The following SAP130 variants were observed in gnomAD, a reference collection of about 807,000 sequenced individuals.
The protein encoded by SAP130 is Sin3A associated protein 130, also known as histone deacetylase complex subunit SAP130.
In SAP130, 16 loss-of-function variants were observed where a neutral mutation model predicts 103.2. The observed-to-expected ratio is 0.16, with a 90% CI of 0.10 to 0.24. SAP130 has a LOEUF of 0.24. Ranked by LOEUF, SAP130 falls within the 10% of genes least tolerant of loss-of-function variation. SAP130 has a pLI of 1.00. For synonymous variants in SAP130, 477 were observed against 497.0 expected, an observed-to-expected ratio of 0.96 and a Z score of 0.53; for missense variants, 990 against 1,359.7, an observed-to-expected ratio of 0.73 and a Z score of 4.28.
rs576839606 is a variant in SAP130 at position 127,947,119 on chromosome 2, G to A, written c.2798-1560C>T. ...AGGCAGGGACTGGAGTGGTGCAGGT[G>A]CAAGCCAGGAACACCAAAGATCGCT... On this transcript the variant is annotated intron_variant, in intron 18 of 20. Coordinates refer to ENST00000643581, the MANE Select transcript of SAP130 (RefSeq NM_001330301.2). Among the ~76,000 whole-genome samples the A allele has an allele frequency of 2.0e-5, 3 of 151,806 alleles. No homozygotes were observed. In the South Asian group the frequency reaches 6.3e-4, roughly 32 times the overall value.
chr2:128,028,021 G>C lies in SAP130; in HGVS notation c.-88C>G, dbSNP rs927742757. 1.6e-5 allele frequency: 16 copies of C among 979,794 alleles called. No individual in the cohort carries two copies. In the Admixed American group the frequency reaches 3.1e-4, roughly 19 times the overall value. The allele number at this position is 979,794 out of a possible 1,614,324, so 60.7% of individuals were successfully genotyped here. ...CCGTCTGTGGGGCCGACGTCCCCAG[G>C]CTCCGGACCCGCAGCCACCGCCGGG... On this transcript the variant is annotated 5_prime_UTR_variant, in exon 1 of 21. Transcript: ENST00000643581.
intron 7 of SAP130, among the ~76,000 whole-genome samples, chr2:128,006,160 G>A (rs1335521510): frequency 2.0e-5 from 3 of 150,482 alleles, no homozygotes; most frequent in Non-Finnish European, 2.9e-5. Context: ...AAGTAATCAT[G>A]GAAAGAATAT....
At chr2:127,973,337 A>C (rs914908786) in intron 15 of SAP130, among the ~76,000 whole-genome samples, 1 of 152,122 alleles carries the variant, frequency 6.6e-6, no homozygotes, top group Non-Finnish European at 1.5e-5. Flanking sequence ...GGTTCAAGAG[A>C]TTCTCCTGCT....
intron 15 of SAP130, among the ~76,000 whole-genome samples, chr2:127,971,125 ATTTTG>A (rs1681056017): frequency 6.8e-6 from 1 of 147,816 alleles, no homozygotes. Context: ...CAATTTTTTT[ATTTTG>A]TTTTTAGAGC....
At chr2:128,012,142 T>G (rs1684440450) in intron 6 of SAP130, among the ~76,000 whole-genome samples, 1 of 152,212 alleles carries the variant, frequency 6.6e-6, no homozygotes, top group Non-Finnish European at 1.5e-5. Context: ...AGTATTACTT[T>G]AATGATACAC....
chr2:128,010,506 T>C, intron 6 of SAP130, 113 bp from the exon 7 acceptor site: 2 of 1,034,422 alleles, frequency 1.9e-6, no homozygotes, highest in Admixed American at 2.8e-5. Flanking sequence ...TCTGCCCAAG[T>C]AAAAATAAAT....
intron 7 of SAP130, among the ~76,000 whole-genome samples, chr2:128,000,779 G>T (rs1683501719): frequency 6.6e-6 from 1 of 152,116 alleles, no homozygotes; most frequent in Non-Finnish European, 1.5e-5. Flanking sequence ...CACACCTGTA[G>T]ACACAGTGCT....
rs1678757231 is a variant in SAP130 at position 127,942,205 on chromosome 2, G to A, written c.3016-41C>T. On this transcript the variant is annotated intron_variant, in intron 20 of 20. Transcript: ENST00000643581. The surrounding 1 kb of genome is among the most constrained non-coding windows in gnomAD (Gnocchi z 4.8). ...TTGCATCATCAATCAGTGACCATGA[G>A]GATAGTACAGCTTTTAAAAAACTGC... 1 of 1,541,716 alleles carries A rather than the reference G, an allele frequency of 6.5e-7. No individual in the cohort carries two copies. Among genetic ancestry groups the A allele is most frequent in the African/African-American group, 1.4e-5 (1 of 72,066 alleles).
intron 18 of SAP130, among the ~76,000 whole-genome samples, chr2:127,948,190 T>C (rs1679243263): frequency 6.6e-6 from 1 of 152,220 alleles, no homozygotes; most frequent in Admixed American, 6.5e-5. Flanking sequence ...GTTTTTTCAC[T>C]GATTCTGCCA....
Position 127,942,216 on chromosome 2 carries a change from CT to C in SAP130, c.3016-53del, listed in dbSNP as rs1220441136. 6.6e-7 allele frequency: 1 copy of C among 1,520,844 alleles called. No individual in the cohort carries two copies. The highest frequency in any genetic ancestry group is 1.4e-5 in the African/African-American group (1 of 71,598). 94.2% of individuals were successfully genotyped at this position (1,520,844 alleles called of 1,614,324 possible). A position where few individuals can be genotyped will look rare whatever the true frequency, so the allele number is the denominator to read the frequency against. On this transcript the variant is annotated intron_variant, in intron 20 of 20. Coordinates refer to ENST00000643581, the MANE Select transcript of SAP130 (RefSeq NM_001330301.2). This position sits in a 1 kb window ranked among gnomAD's most constrained non-coding sequence, Gnocchi z 4.8. ...ATCAGTGACCATGAGGATAGTACAGCTTTTAAAAAACTGCTTGCCTTTGGGC... is the reference window on the plus strand; with the variant it reads ...ATCAGTGACCATGAGGATAGTACAGCTTTAAAAAACTGCTTGCCTTTGGGC...
chr2:128,027,131 C>G (rs910815341), intron 1 of SAP130: 2 of 1,394,416 alleles, frequency 1.4e-6, no homozygotes, highest in Non-Finnish European at 9.4e-7. Flanking sequence ...CCGCTTCTAT[C>G]TCGCCGGCCT....
rs2104858394 is a variant in SAP130 at position 127,969,072 on chromosome 2, G to A, written c.2063+8913C>T. ...TGATCAACAAAACAGTAAACAAAGT[G>A]CTATTGATAATTTCTGTGGAACAAG... On this transcript the variant is annotated intron_variant, in intron 15 of 20. Coordinates refer to ENST00000643581, the MANE Select transcript of SAP130 (RefSeq NM_001330301.2). Among the ~76,000 whole-genome samples the A allele has an allele frequency of 2.0e-5, 3 of 152,224 alleles. 1 individual carries two copies. The Middle Eastern group carries it at 0.01, about 518-fold the overall frequency.
chr2:127,998,734 A>C (rs954190717), intron 10 of SAP130, among the ~76,000 whole-genome samples: 2 of 152,190 alleles, frequency 1.3e-5, no homozygotes, highest in African/African-American at 4.8e-5. Flanking sequence ...ACCAATCTCT[A>C]AAAAATTCTT....
intron 6 of SAP130, among the ~76,000 whole-genome samples, chr2:128,010,763 T>C (rs968435915): frequency 6.6e-6 from 1 of 151,020 alleles, no homozygotes; most frequent in Non-Finnish European, 1.5e-5. Context: ...ACTCAGGAGG[T>C]TGAGGCAGGA....
intron 2 of SAP130, among the ~76,000 whole-genome samples, chr2:128,019,986 AT>A (rs932425342): frequency 1.2e-4 from 19 of 152,164 alleles, no homozygotes; most frequent in Admixed American, 3.3e-4. Context: ...TTCCAAAATA[AT>A]TTTTTTTCTG....
rs1332657140 is a variant in SAP130, at chr2:127,942,263, C to T, written c.3016-99G>A. On this transcript the variant is annotated intron_variant, in intron 20 of 20. Transcript: ENST00000643581. The surrounding 1 kb of genome is among the most constrained non-coding windows in gnomAD (Gnocchi z 4.8). ...TGGGCAGAGGCCATGTTGAGGCTTC[C>T]ACAACAGAGAAAATGTCTTTTTGTT... 1 of 1,210,230 alleles carries T rather than the reference C, an allele frequency of 8.3e-7. No homozygotes were observed. Among genetic ancestry groups the T allele is most frequent in the Non-Finnish European group, 1.2e-6 (1 of 850,684 alleles). The allele number at this position is 1,210,230 out of a possible 1,614,324, so 75.0% of individuals were successfully genotyped here.
At chr2:127,963,749 T>A (rs890992626) in intron 15 of SAP130, among the ~76,000 whole-genome samples, 1 of 152,054 alleles carries the variant, frequency 6.6e-6, no homozygotes, top group Non-Finnish European at 1.5e-5. Flanking sequence ...GATCTGACGG[T>A]TTTAAAAAGG....
intron 15 of SAP130, among the ~76,000 whole-genome samples, chr2:127,974,332 C>T (rs1681301867): frequency 6.6e-6 from 1 of 152,214 alleles, no homozygotes. Flanking sequence ...CATCTCTAAG[C>T]CATCTTGTAC....
intron 19 of SAP130, among the ~76,000 whole-genome samples, chr2:127,944,662 G>A (rs745446923): frequency 3.3e-5 from 5 of 151,966 alleles, no homozygotes; most frequent in African/African-American, 7.2e-5. Flanking sequence ...TCCTGACCTC[G>A]TGATCTGTCC....
Sources: gnomAD v4.1 joint callset for allele counts (sites outside exome capture counted in the v4.1 genomes callset) on GRCh38, gnomAD v4.1.1 for gene constraint, Gnocchi (gnomAD v3.1) non-coding constraint, MANE v1.5 for transcripts, NCBI Gene and HGNC (gene_info 2026-07-23, HGNC 2026-07-21) for gene names.